The following IQCM variants were observed in gnomAD, a reference collection of about 807,000 sequenced individuals.
IQCM encodes the protein IQ motif containing M, also known as IQ domain-containing protein M.
A neutral mutation model predicts 57.6 loss-of-function variants in IQCM; 45 were observed. The observed-to-expected ratio is 0.78, with a 90% confidence interval of 0.62 to 1.00. The LOEUF (loss-of-function observed/expected upper bound fraction) is 1.00, where lower values mean the gene tolerates loss of function less well. Ranked by LOEUF, IQCM falls within the 50% of genes least tolerant of loss-of-function variation. IQCM has a pLI of 0.00. For synonymous variants in IQCM, 148 were observed against 158.9 expected (o/e 0.93, Z 0.51); for missense variants, 468 against 511.6 (o/e 0.91, Z 0.82).
chr4:149,357,379 G>A (rs1729081088), intron 13 of IQCM, among the ~76,000 whole-genome samples: 1 of 152,118 alleles, frequency 6.6e-6, no homozygotes, highest in South Asian at 2.1e-4. Flanking sequence ...TTGGCTGTGG[G>A]TTTGTCATTG....
chr4:149,558,015 C>T (rs1401007733), intron 10 of IQCM, among the ~76,000 whole-genome samples: 1 of 152,202 alleles, frequency 6.6e-6, no homozygotes, highest in Non-Finnish European at 1.5e-5. Flanking sequence ...GCATTGGAGA[C>T]TATGGATCTA....
At chr4:149,478,205 G>A (rs753088189) in intron 12 of IQCM, among the ~76,000 whole-genome samples, 8 of 152,126 alleles carry the variant, frequency 5.3e-5, no homozygotes, top group South Asian at 4.1e-4. Context: ...AAACCAGGCC[G>A]GTGTGACTTG....
At chr4:149,502,078 C>A (rs1743299146) in intron 12 of IQCM, among the ~76,000 whole-genome samples, 1 of 151,912 alleles carries the variant, frequency 6.6e-6, no homozygotes, top group Admixed American at 6.6e-5. Flanking sequence ...TACATCAAAC[C>A]ACTTATGGGT....
intron 12 of IQCM, among the ~76,000 whole-genome samples, chr4:149,471,723 T>C (rs1739574905): frequency 6.6e-6 from 1 of 152,142 alleles, no homozygotes; most frequent in Non-Finnish European, 1.5e-5. Flanking sequence ...AAATCCTCAA[T>C]AAAATACTGG....
At chr4:149,540,782 G>A (rs941450866) in intron 12 of IQCM, among the ~76,000 whole-genome samples, 5 of 152,088 alleles carry the variant, frequency 3.3e-5, no homozygotes, top group Non-Finnish European at 5.9e-5. Flanking sequence ...TACCTATTCT[G>A]ATCCCTAGTC....
intron 12 of IQCM, among the ~76,000 whole-genome samples, chr4:149,535,697 A>G (rs1365765823): frequency 6.6e-6 from 1 of 152,082 alleles, no homozygotes; most frequent in African/African-American, 2.4e-5. Context: ...CAGATTCTCT[A>G]TGCAGCTTAC....
intron 5 of IQCM, among the ~76,000 whole-genome samples, chr4:149,688,355 C>T (rs1762699206): frequency 6.6e-6 from 1 of 151,796 alleles, no homozygotes; most frequent in African/African-American, 2.4e-5. Context: ...TTTACAATAG[C>T]TGCAAACAAA....
At chr4:149,792,483 T>A (rs1049207135) in intron 2 of IQCM, among the ~76,000 whole-genome samples, 5 of 152,188 alleles carry the variant, frequency 3.3e-5, no homozygotes, top group African/African-American at 1.2e-4. Context: ...AAGGGTCATG[T>A]TATTTTTACA....
chr4:149,578,922 CT>C (rs1751913582), intron 9 of IQCM, among the ~76,000 whole-genome samples: 1 of 151,750 alleles, frequency 6.6e-6, no homozygotes. Flanking sequence ...AGATGGGATC[CT>C]TTGTCCCCCT....
At chr4:149,810,449 AT>A (rs1184108631) in intron 2 of IQCM, among the ~76,000 whole-genome samples, 1 of 151,746 alleles carries the variant, frequency 6.6e-6, no homozygotes, top group Non-Finnish European at 1.5e-5. Context: ...TTTCAAAAAC[AT>A]ATAATTTTTT....
intron 7 of IQCM, among the ~76,000 whole-genome samples, chr4:149,658,491 T>C (rs1415900795): frequency 2.0e-5 from 3 of 152,142 alleles, no homozygotes; most frequent in Non-Finnish European, 4.4e-5. Context: ...TTGGGGTCTC[T>C]CGTGGTTCCA....
At chr4:149,454,043 T>C (rs1737410719) in intron 12 of IQCM, among the ~76,000 whole-genome samples, 1 of 150,888 alleles carries the variant, frequency 6.6e-6, no homozygotes, top group Admixed American at 6.7e-5. Context: ...AATTGATGAG[T>C]AGCTAAACAA....
intron 13 of IQCM, among the ~76,000 whole-genome samples, chr4:149,428,748 T>C (rs374589508): frequency 2.6e-5 from 4 of 151,786 alleles, no homozygotes; most frequent in African/African-American, 4.8e-5. Flanking sequence ...CTGAATTGCG[T>C]AAAAAATACC....
intron 12 of IQCM, among the ~76,000 whole-genome samples, chr4:149,458,627 TA>T (rs1235832059): frequency 6.6e-6 from 1 of 151,984 alleles, no homozygotes; most frequent in African/African-American, 2.4e-5. Context: ...TTAATTTTCT[TA>T]GGGAAAAGAT....
rs764405948 is a variant in IQCM, at chr4:149,522,070, G to A, written c.1228+26385C>T. 5.3e-5 allele frequency among the ~76,000 whole-genome samples: 8 copies of A among 152,178 alleles called. No individual in the cohort carries two copies. In the South Asian group the frequency reaches 8.3e-4, roughly 16 times the overall value. ...CATATGCTAGTCTCCCTCTCACTGGGGGTGTTACAGGGGAGCCAGCAGATA... is the reference window on the plus strand; with the variant it reads ...CATATGCTAGTCTCCCTCTCACTGGAGGTGTTACAGGGGAGCCAGCAGATA... On this transcript the variant is annotated intron_variant, in intron 12 of 13. Transcript: ENST00000636793.
At chr4:149,599,925 G>A (rs1336498571) in intron 8 of IQCM, among the ~76,000 whole-genome samples, 2 of 152,056 alleles carry the variant, frequency 1.3e-5, no homozygotes, top group Non-Finnish European at 2.9e-5. Context: ...TTTATAATTT[G>A]GGGGCATTTT....
At chr4:149,516,794 G>T (rs1296438173) in intron 12 of IQCM, among the ~76,000 whole-genome samples, 1 of 151,904 alleles carries the variant, frequency 6.6e-6, no homozygotes, top group Non-Finnish European at 1.5e-5. Context: ...GAGGAACACT[G>T]CCACCAGGAG....
intron 12 of IQCM, among the ~76,000 whole-genome samples, chr4:149,498,616 G>A (rs1210984454): frequency 1.3e-5 from 2 of 152,106 alleles, no homozygotes; most frequent in African/African-American, 4.8e-5. Flanking sequence ...CCGCAGTAGG[G>A]AGGCCCTCCC....
intron 13 of IQCM, among the ~76,000 whole-genome samples, chr4:149,421,812 AATCT>A (rs1734141311): frequency 6.6e-6 from 1 of 152,060 alleles, no homozygotes; most frequent in Non-Finnish European, 1.5e-5. Context: ...ATGCCTGTTT[AATCT>A]AATGTTAACT....
Sources: gnomAD v4.1 joint callset for allele counts (sites outside exome capture counted in the v4.1 genomes callset) on GRCh38, gnomAD v4.1.1 for gene constraint, MANE v1.5 for transcripts, NCBI Gene and HGNC (gene_info 2026-07-23, HGNC 2026-07-21) for gene names.